The following SLC9A7 variants were observed in gnomAD, a reference collection of about 807,000 sequenced individuals.
The protein encoded by SLC9A7 is sodium/hydrogen exchanger 7.
A neutral mutation model predicts 52.6 loss-of-function variants in SLC9A7; 19 were observed. That is an observed-to-expected ratio of 0.36 (90% confidence interval 0.25 to 0.53). The LOEUF (loss-of-function observed/expected upper bound fraction) is 0.53, where lower values mean the gene tolerates loss of function less well. Ranked by LOEUF, SLC9A7 falls within the 20% of genes least tolerant of loss-of-function variation. The pLI is 0.91. For missense variants in SLC9A7, 455 were observed against 597.9 expected (o/e 0.76, Z 2.49); for synonymous variants, 226 against 252.1 (o/e 0.90, Z 0.98).
At chrX:46,691,537 G>T (rs1177001625) in intron 1 of SLC9A7, among the ~76,000 whole-genome samples, 1 of 111,954 alleles carries the variant, frequency 8.9e-6, no homozygotes, top group Non-Finnish European at 1.9e-5. Flanking sequence ...AAATTGGGCT[G>T]TTGTAAGAAT....
intron 14 of SLC9A7, among the ~76,000 whole-genome samples, chrX:46,622,118 C>G (rs1021754791): frequency 8.9e-6 from 1 of 112,026 alleles, no homozygotes; most frequent in Admixed American, 9.5e-5. Flanking sequence ...AAGTTTCCAA[C>G]AGCAAAGATT....
At chrX:46,661,062 G>A (rs1179805861) in intron 7 of SLC9A7, among the ~76,000 whole-genome samples, 2 of 111,555 alleles carry the variant, frequency 1.8e-5, no homozygotes, top group African/African-American at 6.5e-5. Context: ...ATGAGTTCAT[G>A]TCCTTTGTAG....
Position 46,694,298 on chromosome X carries a change from A to G in SLC9A7, c.326-11763T>C, listed in dbSNP as rs145859450. 7.8e-4 allele frequency among the ~76,000 whole-genome samples: 87 copies of G among 111,247 alleles called. No homozygotes were observed. The East Asian group carries it at 0.023, about 30-fold the overall frequency. The stretch of plus-strand genomic sequence containing the variant: ...GCAAGAACCTGTCTCTTAAAAAAAG[A>G]GAGAAAAAAAGACATTATTAAGAAA... On this transcript the variant is annotated intron_variant, in intron 1 of 16. Coordinates refer to ENST00000616978, the MANE Select transcript of SLC9A7 (RefSeq NM_001257291.2).
At chrX:46,735,252 T>C (rs1044053846) in intron 1 of SLC9A7, among the ~76,000 whole-genome samples, 1 of 111,891 alleles carries the variant, frequency 8.9e-6, no homozygotes, top group African/African-American at 3.2e-5. Context: ...GAGCATTTTT[T>C]ATTATTCAAT....
chrX:46,610,990 A>G (rs1240740531), intron 16 of SLC9A7, among the ~76,000 whole-genome samples: 1 of 112,200 alleles, frequency 8.9e-6, no homozygotes, highest in Non-Finnish European at 1.9e-5. Context: ...TTTAGAAGAG[A>G]CTAGAGTTAG....
At chrX:46,702,454 G>A (rs1265954781) in intron 1 of SLC9A7, among the ~76,000 whole-genome samples, 1 of 110,933 alleles carries the variant, frequency 9.0e-6, no homozygotes, top group Non-Finnish European at 1.9e-5. Context: ...CCCTCTCATA[G>A]TACCCAGTGT....
chrX:46,720,310 C>G (rs922968625), intron 1 of SLC9A7, among the ~76,000 whole-genome samples: 4 of 111,168 alleles, frequency 3.6e-5, no homozygotes, highest in African/African-American at 1.3e-4. Flanking sequence ...CCTCATCACA[C>G]CCATATCCTG....
intron 2 of SLC9A7, among the ~76,000 whole-genome samples, chrX:46,681,401 T>C (rs1010461117): frequency 3.5e-4 from 39 of 112,468 alleles, no homozygotes; most frequent in African/African-American, 1.3e-3. Context: ...TGCTTTCTTA[T>C]GAAGAGTTGA....
chrX:46,641,985 T>A (rs1459287704), intron 12 of SLC9A7, among the ~76,000 whole-genome samples: 1 of 112,397 alleles, frequency 8.9e-6, no homozygotes, highest in African/African-American at 3.2e-5. Context: ...ATAAACCCCA[T>A]ATTGGTTCTG....
chrX:46,758,953 G>GGCAGCA lies in SLC9A7; in HGVS notation c.71_76dup (p.Leu24_Leu25dup). ...TCGCAGCCCCCAACCCAGCAGCAGC[G>GGCAGCA]GCAGCAGCAGCAGCCGCGGCGGCGG... is the stretch of plus-strand genomic sequence containing the variant. On this transcript the variant is annotated inframe_insertion, in exon 1 of 17. Coordinates refer to ENST00000616978, the MANE Select transcript of SLC9A7 (RefSeq NM_001257291.2). 5 of 1,073,071 alleles carry GGCAGCA rather than the reference G, an allele frequency of 4.7e-6. No individual in the cohort carries two copies. Among genetic ancestry groups the GGCAGCA allele is most frequent in the Non-Finnish European group, 6.0e-6 (5 of 832,573 alleles). 88.4% of individuals were successfully genotyped at this position (1,073,071 alleles called of 1,213,427 possible).
intron 7 of SLC9A7, among the ~76,000 whole-genome samples, chrX:46,655,120 G>C: frequency 9.2e-6 from 1 of 108,450 alleles, no homozygotes; most frequent in South Asian, 4.1e-4. Flanking sequence ...GATTAGCAGG[G>C]ATTACAGGTG....
rs1367818995 is a variant in SLC9A7, at chrX:46,601,370, G to T, written c.*5582C>A. On this transcript the variant is annotated 3_prime_UTR_variant, in exon 17 of 17. Transcript: ENST00000616978. ...TATGATTACATTAACTTCTACTGCA[G>T]ACAAGGACAGGGAGAGATAGGATGA... 4 of 112,529 alleles carry T rather than the reference G, an allele frequency of 3.6e-5. No homozygotes were observed. The highest frequency in any genetic ancestry group is 1.3e-4 in the African/African-American group (4 of 30,949). The allele number at this position is 112,529 out of a possible 1,213,427, so 9.3% of individuals were successfully genotyped here. A position where few individuals can be genotyped will look rare whatever the true frequency, so the allele number is the denominator to read the frequency against.
At chrX:46,609,688 A>C (rs1942813750) in intron 16 of SLC9A7, among the ~76,000 whole-genome samples, 1 of 110,073 alleles carries the variant, frequency 9.1e-6, no homozygotes, top group Non-Finnish European at 1.9e-5. Flanking sequence ...TGACAGAGCA[A>C]GACTCTGTCT....
intron 11 of SLC9A7, among the ~76,000 whole-genome samples, chrX:46,648,133 T>C (rs1943522380): frequency 8.9e-6 from 1 of 112,596 alleles, no homozygotes; most frequent in Non-Finnish European, 1.9e-5. Context: ...ACAGTGTCAA[T>C]TAAGCAGGAT....
rs1308319184 is a variant in SLC9A7, at chrX:46,603,140, A to C, written c.*3812T>G. On this transcript the variant is annotated 3_prime_UTR_variant, in exon 17 of 17. Coordinates refer to ENST00000616978, the MANE Select transcript of SLC9A7 (RefSeq NM_001257291.2). ...GGGTTACTGGGCAAATGCTGCAACT[A>C]GATTCTGGGCCCTCTCTTCCCTGGG... The C allele has an allele frequency of 9.0e-6, 1 of 110,947 alleles. No individual in the cohort carries two copies. Among genetic ancestry groups the C allele is most frequent in the Non-Finnish European group, 1.9e-5 (1 of 52,868 alleles). 9.1% of individuals were successfully genotyped at this position (110,947 alleles called of 1,213,427 possible).
At position 46,730,670 on chromosome X, in the gene SLC9A7, T is replaced by TTATATATATATATATATA. The variant is rs57157177; in HGVS notation, c.325+28017_325+28034dup. On this transcript the variant is annotated intron_variant, in intron 1 of 16. Transcript: ENST00000616978. Reference sequence around the variant, plus strand: ...GCGAGACTGTCTCAAAAAAAAAAAATTATATATATATATATATATATATAT... The same window carrying TTATATATATATATATATA: ...GCGAGACTGTCTCAAAAAAAAAAAATTATATATATATATATATATATATATATATATATATATATATAT... Among the ~76,000 whole-genome samples, 177 of 42,797 alleles carry TTATATATATATATATATA rather than the reference T, an allele frequency of 4.1e-3. 7 individuals are homozygous for TTATATATATATATATATA. The highest frequency in any genetic ancestry group is 5.7e-3 in the East Asian group (6 of 1,045). 37.2% of individuals were successfully genotyped at this position (42,797 alleles called of 115,157 possible).
At chrX:46,622,527 C>T (rs961405282) in intron 14 of SLC9A7, among the ~76,000 whole-genome samples, 1 of 111,799 alleles carries the variant, frequency 8.9e-6, no homozygotes, top group African/African-American at 3.3e-5. Context: ...TAAACATCAT[C>T]AGGAAGGATA....
intron 13 of SLC9A7, among the ~76,000 whole-genome samples, chrX:46,633,363 A>AAAAAC (rs1943257821): frequency 1.0e-5 from 1 of 95,556 alleles, no homozygotes; most frequent in Non-Finnish European, 2.1e-5. Context: ...AAAAAAAAAA[A>AAAAAC]AAAAAAAAAA....
At chrX:46,722,403 A>G (rs749070213) in intron 1 of SLC9A7, among the ~76,000 whole-genome samples, 8 of 111,924 alleles carry the variant, frequency 7.1e-5, no homozygotes, top group African/African-American at 2.6e-4. Context: ...TAATCTAGCT[A>G]ATTGAGTTAC....
Sources: gnomAD v4.1 joint callset for allele counts (sites outside exome capture counted in the v4.1 genomes callset) on GRCh38, gnomAD v4.1.1 for gene constraint, MANE v1.5 for transcripts, NCBI Gene and HGNC (gene_info 2026-07-23, HGNC 2026-07-21) for gene names.